Variants in RWDD3 observed in about 807,000 individuals in gnomAD.
RWDD3 encodes RWD domain-containing protein 3.
Under a neutral mutation model 26.5 loss-of-function variants are expected in RWDD3, and 30 were observed. That is an observed-to-expected ratio of 1.13 (90% CI 0.85 to 1.54). The LOEUF is 1.54. Ranked by LOEUF, RWDD3 falls within the 40% of genes most tolerant of loss-of-function variation. RWDD3 has a pLI of 0.00. For synonymous variants in RWDD3, 113 were observed against 114.5 expected (o/e 0.99, Z 0.09); for missense variants, 296 against 309.1 (o/e 0.96, Z 0.32).
Position 95,246,513 on chromosome 1 carries a change from T to A in RWDD3, c.574-29T>A, listed in dbSNP as rs750169225. 10 of 1,275,802 alleles carry A rather than the reference T, an allele frequency of 7.8e-6. No homozygotes were observed. The East Asian group carries it at 1.6e-4, about 21-fold the overall frequency. 79.0% of individuals were successfully genotyped at this position (1,275,802 alleles called of 1,614,324 possible). A position where few individuals can be genotyped will look rare whatever the true frequency, so the allele number is the denominator to read the frequency against. On this transcript the variant is annotated intron_variant, in intron 2 of 3. Coordinates refer to ENST00000370202, the MANE Select transcript of RWDD3 (RefSeq NM_015485.5). ...GGACTTTGAGACTCAGAGTAAGATA[T>A]GTATTTAATGTACTGATTTATTATT...
chr1:95,239,834 A>G (rs1378293360), intron 1 of RWDD3: 1 of 1,289,772 alleles, frequency 7.8e-7, no homozygotes, highest in Non-Finnish European at 1.0e-6. Context: ...TGGCTGGCTC[A>G]GTAGCTTTTC....
At chr1:95,241,464 C>G (rs74105320) in intron 1 of RWDD3, among the ~76,000 whole-genome samples, 3 of 152,300 alleles carry the variant, frequency 2.0e-5, no homozygotes, top group African/African-American at 7.2e-5. Context: ...TATGAGGGAG[C>G]TGCTAGTGAT....
At chr1:95,236,564 C>A (rs1303860446) in intron 1 of RWDD3, among the ~76,000 whole-genome samples, 1 of 152,142 alleles carries the variant, frequency 6.6e-6, no homozygotes, top group Non-Finnish European at 1.5e-5. Flanking sequence ...TAGTGCCCAG[C>A]CTGACTTGTA....
Position 95,244,422 on chromosome 1 carries a change from G to T in RWDD3, c.297G>T (p.Met99Ile). The change falls in exon 2 of 4, where the codon ATG (methionine) becomes ATT (isoleucine). Residue 99 changes from methionine (M) to isoleucine (I), a missense_variant. Physicochemically the swap from Met to Ile is conservative, Grantham distance 10 (BLOSUM62 1). Transcript: ENST00000370202. ...EQAESLLSEPMVHELVLWIQQ... is the reference protein window; with the variant it reads ...EQAESLLSEPIVHELVLWIQQ... ...CAGAGAGCCTTTTGTCGGAGCCTATGGTTCATGAGCTGGTTCTCTGGATTC... is the reference window on the plus strand; with the variant it reads ...CAGAGAGCCTTTTGTCGGAGCCTATTGTTCATGAGCTGGTTCTCTGGATTC... The T allele has an allele frequency of 6.2e-7, 1 of 1,614,172 alleles. No individual in the cohort carries two copies. The highest frequency in any genetic ancestry group is 8.5e-7 in the Non-Finnish European group (1 of 1,180,024).
rs752183518 is a variant in RWDD3, at chr1:95,244,525, A to G, written c.400A>G (p.Thr134Ala). The G allele has an allele frequency of 6.2e-7, 1 of 1,614,192 alleles. No homozygotes were observed. Among genetic ancestry groups the G allele is most frequent in the Non-Finnish European group, 8.5e-7 (1 of 1,180,040 alleles). The change falls in exon 2 of 4, where the codon ACC becomes GCC. Residue 134 changes from threonine to alanine, a missense_variant. By Grantham distance (58) the Thr-to-Ala change is moderately conservative. Coordinates refer to ENST00000370202, the MANE Select transcript of RWDD3 (RefSeq NM_015485.5). ...SEKCTFSTST[T>A]MDDGLWITLL... ...AAAGTGTACTTTTTCAACAAGCACGACCATGGATGATGGATTGTGGATAAC... is the reference window on the plus strand; with the variant it reads ...AAAGTGTACTTTTTCAACAAGCACGGCCATGGATGATGGATTGTGGATAAC...
chr1:95,237,663 C>T (rs1268709476), intron 1 of RWDD3, among the ~76,000 whole-genome samples: 2 of 152,140 alleles, frequency 1.3e-5, no homozygotes, highest in Non-Finnish European at 2.9e-5. Flanking sequence ...GGATAGACCA[C>T]ATTAGGGATA....
At position 95,234,303 on chromosome 1, in the gene RWDD3, C is replaced by T; in HGVS notation, c.73C>T (p.Leu25=). 1.3e-6 allele frequency: 2 copies of T among 1,594,714 alleles called. No individual in the cohort carries two copies. Among genetic ancestry groups the T allele is most frequent in the Non-Finnish European group, 1.7e-6 (2 of 1,170,898 alleles). Residue 25 remains leucine, a synonymous_variant, in exon 1 of 4, where the codon CTG becomes TTG. Coordinates refer to ENST00000370202, the MANE Select transcript of RWDD3 (RefSeq NM_015485.5). ...CTGCAGGCCCCACGAGTGGGAGGTG[C>T]TGAGCCGCTCAGGTGACTACCCGCG... ...IFCRPHEWEV[L]SRSETDGTVF... is the part of the protein sequence containing the mutation.
At chr1:95,242,909 A>T (rs549913934) in intron 1 of RWDD3, among the ~76,000 whole-genome samples, 1 of 152,042 alleles carries the variant, frequency 6.6e-6, no homozygotes, top group Admixed American at 6.5e-5. Context: ...ACAGAGTGAG[A>T]TTGTGTCTCA....
intron 1 of RWDD3, chr1:95,237,341 A>G (rs1349327321): frequency 1.3e-5 from 2 of 152,158 alleles, no homozygotes; most frequent in African/African-American, 4.8e-5. Flanking sequence ...GGCCTCCCCC[A>G]AATAAGGTTC....
intron 1 of RWDD3, among the ~76,000 whole-genome samples, chr1:95,235,187 C>A (rs574691128): frequency 2.8e-3 from 421 of 150,222 alleles, no homozygotes; most frequent in African/African-American, 9.7e-3. Context: ...GCTGGGACTA[C>A]AGGCGCCCAC....
chr1:95,246,645 C>G lies in RWDD3; in HGVS notation c.677C>G (p.Thr226Arg). Residue 226 changes from threonine (T) to arginine (R), a missense_variant, in exon 3 of 4, where the codon ACA becomes AGA. By Grantham distance (71) the Thr-to-Arg change is moderately conservative. Transcript: ENST00000370202. Reference protein sequence around the residue: ...ISVLFETKVQTEHKRFLAFEV... With the variant: ...ISVLFETKVQREHKRFLAFEV... ...GTACTGTTTGAAACAAAAGTACAGA[C>G]AGAACACAAAAGGTATAATTTAGTA... 1 of 1,604,360 alleles carries G rather than the reference C, an allele frequency of 6.2e-7. No homozygotes were observed. The highest frequency in any genetic ancestry group is 8.5e-7 in the Non-Finnish European group (1 of 1,172,768).
intron 1 of RWDD3, among the ~76,000 whole-genome samples, chr1:95,236,959 G>A (rs908926962): frequency 2.0e-5 from 3 of 152,116 alleles, no homozygotes; most frequent in Non-Finnish European, 4.4e-5. Flanking sequence ...CCCTTTATCT[G>A]CTGTTAAATT....
Position 95,247,007 on chromosome 1 carries a change from G to A in RWDD3, c.*137G>A, listed in dbSNP as rs559321774. 3.4e-4 allele frequency: 162 copies of A among 471,594 alleles called. No homozygotes were observed. Among genetic ancestry groups the A allele is most frequent in the Non-Finnish European group, 5.2e-4 (137 of 265,936 alleles). 29.2% of individuals were successfully genotyped at this position (471,594 alleles called of 1,614,324 possible). A position where few individuals can be genotyped will look rare whatever the true frequency, so the allele number is the denominator to read the frequency against. On this transcript the variant is annotated 3_prime_UTR_variant, in exon 4 of 4. Transcript: ENST00000370202. Reference sequence around the variant, plus strand: ...ATGATAGGCATCATTCTAACTTCAGGAACAAAAGCCAGTTCTGTTTTATGA... The same window carrying A: ...ATGATAGGCATCATTCTAACTTCAGAAACAAAAGCCAGTTCTGTTTTATGA...
intron 1 of RWDD3, among the ~76,000 whole-genome samples, chr1:95,236,398 T>C (rs1292256130): frequency 1.3e-5 from 2 of 151,828 alleles, no homozygotes; most frequent in Non-Finnish European, 2.9e-5. Flanking sequence ...AAGATTAAGA[T>C]CCTTCATGAT....
intron 1 of RWDD3, among the ~76,000 whole-genome samples, chr1:95,238,107 T>C (rs766466203): frequency 5.9e-5 from 9 of 152,244 alleles, no homozygotes; most frequent in Non-Finnish European, 7.3e-5. Context: ...TGACACAGAT[T>C]ATGTGGCCAT....
At chr1:95,235,877 A>AG (rs397707969) in intron 1 of RWDD3, among the ~76,000 whole-genome samples, 1 of 151,870 alleles carries the variant, frequency 6.6e-6, no homozygotes, top group Non-Finnish European at 1.5e-5. Flanking sequence ...TAAAAAAAAA[A>AG]GAAAAAACAC....
intron 2 of RWDD3, 40 bp from the exon 3 acceptor site, chr1:95,246,494 TGAGACTCA>T (rs71588551): frequency 0.074 from 82,342 of 1,119,702 alleles, 3,367 homozygotes; most frequent in Non-Finnish European, 0.086. Flanking sequence ...ACTGGGACTT[TGAGACTCA>T]GAGTAAGATA....
chr1:95,244,481 A>G lies in RWDD3; in HGVS notation c.356A>G (p.Glu119Gly). ...QNLRHILSQP[E>G]TGSGSEKCTF... ...CTCAGGCATATCCTCAGCCAACCAG[A>G]AACTGGCAGTGGCAGTGAAAAGTGT... Residue 119 changes from glutamate to glycine, a missense_variant, in exon 2 of 4, where the codon GAA becomes GGA. Coordinates refer to ENST00000370202, the MANE Select transcript of RWDD3 (RefSeq NM_015485.5). The G allele has an allele frequency of 6.2e-7, 1 of 1,614,224 alleles. No individual in the cohort carries two copies. Among genetic ancestry groups the G allele is most frequent in the South Asian group, 1.1e-5 (1 of 91,088 alleles).
chr1:95,238,908 T>C (rs1680486436), intron 1 of RWDD3, among the ~76,000 whole-genome samples: 1 of 152,192 alleles, frequency 6.6e-6, no homozygotes, highest in African/African-American at 2.4e-5. Flanking sequence ...TTCTGATGTT[T>C]GTAAGGAAGC....
Sources: gnomAD v4.1 joint callset for allele counts (sites outside exome capture counted in the v4.1 genomes callset) on GRCh38, gnomAD v4.1.1 for gene constraint, MANE v1.5 for transcripts, NCBI Gene and HGNC (gene_info 2026-07-23, HGNC 2026-07-21) for gene names.